YIPF4: variants seen among roughly 807,000 people sequenced by gnomAD.
YIPF4 encodes Yip1 domain family member 4.
A neutral mutation model predicts 29.4 loss-of-function variants in YIPF4; 18 were observed. The observed-to-expected ratio is 0.61, with a 90% confidence interval of 0.42 to 0.91. The LOEUF is 0.91. YIPF4 is among the 40% of genes least tolerant of loss of function. The probability of loss-of-function intolerance (pLI) is 0.00; values close to 1 mark genes in which losing one functional copy is unlikely to be tolerated. For synonymous variants in YIPF4, 115 were observed against 104.7 expected, an observed-to-expected ratio of 1.10 and a Z score of -0.60; for missense variants, 279 against 282.7, an observed-to-expected ratio of 0.99 and a Z score of 0.09.
intron 1 of YIPF4, among the ~76,000 whole-genome samples, chr2:32,278,627 TTTC>T (rs1349461478): frequency 2.6e-5 from 4 of 152,132 alleles, no homozygotes; most frequent in Admixed American, 2.6e-4. Flanking sequence ...GGAGGGCTGT[TTTC>T]TTCTGTTATG....
chr2:32,293,498 A>G (rs1036937374), intron 3 of YIPF4, among the ~76,000 whole-genome samples: 5 of 152,316 alleles, frequency 3.3e-5, no homozygotes, highest in African/African-American at 1.2e-4. Context: ...TTCTTTCCAC[A>G]CAGACACGGC....
chr2:32,298,364 T>G, intron 4 of YIPF4, 53 bp downstream of exon 4: 1 of 1,340,904 alleles, frequency 7.5e-7, no homozygotes, highest in Non-Finnish European at 1.1e-6. Context: ...AGCTTAGTTT[T>G]TGATACTGCA....
chr2:32,305,669 G>T lies in YIPF4; in HGVS notation c.*43G>T, dbSNP rs1430807350. 7.7e-6 allele frequency: 11 copies of T among 1,422,828 alleles called. No individual in the cohort carries two copies. The highest frequency in any genetic ancestry group is 1.0e-5 in the Non-Finnish European group (11 of 1,084,122). 88.1% of individuals were successfully genotyped at this position (1,422,828 alleles called of 1,614,324 possible). A position where few individuals can be genotyped will look rare whatever the true frequency, so the allele number is the denominator to read the frequency against. On this transcript the variant is annotated 3_prime_UTR_variant, in exon 6 of 6. Transcript: ENST00000238831. ...TAGAAAAAGATGGTGTTAAATTTGT[G>T]TGTAGGCTGGGAATTCTTGCTGAAG...
In YIPF4 at chr2:32,314,632, C is replaced by G. The variant is rs2031785674; in HGVS notation, c.*9006C>G. ...AGAGTGTGGTGAGCTGAGATGTCAC[C>G]ATTGCACTCCAGCCTGGGCAAGAAG... is the stretch of plus-strand genomic sequence containing the variant. On this transcript the variant is annotated 3_prime_UTR_variant, in exon 6 of 6. Transcript: ENST00000238831. 1 of 152,054 alleles carries G rather than the reference C, an allele frequency of 6.6e-6. No individual in the cohort carries two copies. Among genetic ancestry groups the G allele is most frequent in the Non-Finnish European group, 1.5e-5 (1 of 68,046 alleles). The allele number at this position is 152,054 out of a possible 1,614,324, so 9.4% of individuals were successfully genotyped here.
At chr2:32,296,305 C>T (rs748127615) in intron 3 of YIPF4, among the ~76,000 whole-genome samples, 1 of 151,998 alleles carries the variant, frequency 6.6e-6, no homozygotes, top group Non-Finnish European at 1.5e-5. Context: ...AACCCCATCT[C>T]TCCTAAAAAT....
intron 4 of YIPF4, 135 bp downstream of exon 4, chr2:32,298,446 C>A: frequency 1.6e-6 from 1 of 612,286 alleles, no homozygotes; most frequent in South Asian, 2.3e-5. Flanking sequence ...TTAAGATGAT[C>A]AACATATTAG....
Position 32,306,616 on chromosome 2 carries a change from A to T in YIPF4, c.*990A>T. On this transcript the variant is annotated 3_prime_UTR_variant, in exon 6 of 6. Transcript: ENST00000238831. ...CATGTCCTGTATTACTTGATATTTT[A>T]ACAAGTATCAGGTACTCTCTAACAA... The T allele has an allele frequency of 1.0e-6, 1 of 983,864 alleles. No individual in the cohort carries two copies. Among genetic ancestry groups the T allele is most frequent in the Non-Finnish European group, 1.2e-6 (1 of 828,500 alleles). The allele number at this position is 983,864 out of a possible 1,614,324, so 60.9% of individuals were successfully genotyped here.
At position 32,306,246 on chromosome 2, in the gene YIPF4, A is replaced by G. The variant is rs542421477; in HGVS notation, c.*620A>G. 3.2e-4 allele frequency: 302 copies of G among 943,298 alleles called. No homozygotes were observed. Among genetic ancestry groups the G allele is most frequent in the Admixed American group, 4.3e-4 (7 of 16,174 alleles). The allele number at this position is 943,298 out of a possible 1,614,324, so 58.4% of individuals were successfully genotyped here. A position where few individuals can be genotyped will look rare whatever the true frequency, so the allele number is the denominator to read the frequency against. ...ATGCTTCGATACTTCCTTGTTAAGA[A>G]TTCTTAATAACTACTAAAACTGATT... On this transcript the variant is annotated 3_prime_UTR_variant, in exon 6 of 6. Transcript: ENST00000238831.
rs35334643 is a variant in YIPF4, at chr2:32,312,487, CAAAAAAAAAAAAAAAAAA to C, written c.*6876_*6893del. ...TGGGCGACAGAGCGAGAATCCGTCT[CAAAAAAAAAAAAAAAAAA>C]AAAAAAAAAAAAAATTATTTTCAAA... On this transcript the variant is annotated 3_prime_UTR_variant, in exon 6 of 6. Coordinates refer to ENST00000238831, the MANE Select transcript of YIPF4 (RefSeq NM_032312.4). The C allele has an allele frequency of 1.1e-4, 4 of 37,374 alleles. No individual in the cohort carries two copies. Among genetic ancestry groups the C allele is most frequent in the Non-Finnish European group, 1.7e-4 (4 of 23,744 alleles). 2.3% of individuals were successfully genotyped at this position (37,374 alleles called of 1,614,324 possible).
Position 32,278,056 on chromosome 2 carries a change from C to T in YIPF4, c.-100C>T. On this transcript the variant is annotated 5_prime_UTR_variant, in exon 1 of 6. Coordinates refer to ENST00000238831, the MANE Select transcript of YIPF4 (RefSeq NM_032312.4). Reference sequence around the variant, plus strand: ...AGCTTGCACGTCGAGACTCGTAGGCCGCACCGTAGGGCGAGCGTGCGGGTC... The same window carrying T: ...AGCTTGCACGTCGAGACTCGTAGGCTGCACCGTAGGGCGAGCGTGCGGGTC... The T allele has an allele frequency of 4.7e-6, 5 of 1,052,670 alleles. No homozygotes were observed. In the South Asian group the frequency reaches 6.4e-5, roughly 14 times the overall value. The allele number at this position is 1,052,670 out of a possible 1,614,324, so 65.2% of individuals were successfully genotyped here.
chr2:32,294,269 A>G (rs532888137), intron 3 of YIPF4, among the ~76,000 whole-genome samples: 1 of 149,988 alleles, frequency 6.7e-6, no homozygotes, highest in Non-Finnish European at 1.5e-5. Flanking sequence ...CACTTCTCAG[A>G]CGGGGCGGCT....
chr2:32,292,244 T>G lies in YIPF4; in HGVS notation c.301T>G (p.Ser101Ala). Residue 101 changes from serine (S) to alanine (A), a missense_variant, in exon 3 of 6, where the codon TCA (serine) becomes GCA (alanine). Ser to Ala is a moderately conservative substitution (Grantham distance 99). Transcript: ENST00000238831. ...KIRCVLMPMP[S>A]LGFNRQVVRD... The stretch of plus-strand genomic sequence containing the variant: ...CCGATGTGTTTTGATGCCAATGCCA[T>G]CACTTGGTTTTAATAGACAAGTGGT... 1 of 1,604,294 alleles carries G rather than the reference T, an allele frequency of 6.2e-7. No individual in the cohort carries two copies. Among genetic ancestry groups the G allele is most frequent in the Non-Finnish European group, 8.5e-7 (1 of 1,174,664 alleles).
chr2:32,292,862 CAAAAA>C (rs1217481341), intron 3 of YIPF4, among the ~76,000 whole-genome samples: 1 of 77,892 alleles, frequency 1.3e-5, no homozygotes, highest in Non-Finnish European at 2.4e-5. Flanking sequence ...GACTCCATCT[CAAAAA>C]AAAAAAAAAA....
chr2:32,316,051 A>C lies in YIPF4; in HGVS notation c.*10425A>C, dbSNP rs1290649618. On this transcript the variant is annotated 3_prime_UTR_variant, in exon 6 of 6. Transcript: ENST00000238831. ...AAAAAAAAAAAAAAACCAAAAAAAAAAAAAAAGTATAAAGCACAGAAGCGA... is the reference window on the plus strand; with the variant it reads ...AAAAAAAAAAAAAAACCAAAAAAAACAAAAAAGTATAAAGCACAGAAGCGA... The C allele has an allele frequency of 3.6e-4, 54 of 151,620 alleles. 1 individual carries two copies. The highest frequency in any genetic ancestry group is 1.2e-3 in the African/African-American group (51 of 41,374). The allele number at this position is 151,620 out of a possible 1,614,324, so 9.4% of individuals were successfully genotyped here.
intron 1 of YIPF4, among the ~76,000 whole-genome samples, 195 bp from the exon 2 acceptor site, chr2:32,290,288 C>T (rs995616293): frequency 2.6e-5 from 4 of 152,122 alleles, no homozygotes; most frequent in African/African-American, 9.7e-5. Context: ...CTTCTTTCAT[C>T]TTTCATTTTA....
At chr2:32,298,373 C>T in intron 4 of YIPF4, 62 bp downstream of exon 4, 1 of 1,209,626 alleles carries the variant, frequency 8.3e-7, no homozygotes, top group East Asian at 2.3e-5. Flanking sequence ...TTTGATACTG[C>T]AGATATCATC....
intron 3 of YIPF4, 84 bp from the exon 4 acceptor site, chr2:32,298,150 C>G: frequency 9.2e-7 from 1 of 1,087,714 alleles, no homozygotes; most frequent in East Asian, 2.4e-5. Context: ...GCTAAACTGT[C>G]ATTTATGGCA....
At chr2:32,293,693 G>A (rs1448428384) in intron 3 of YIPF4, among the ~76,000 whole-genome samples, 14 of 151,938 alleles carry the variant, frequency 9.2e-5, no homozygotes, top group African/African-American at 1.9e-4. Context: ...CTCACCTCCC[G>A]GAAGGGGCGG....
chr2:32,287,752 A>G (rs2030738862), intron 1 of YIPF4, among the ~76,000 whole-genome samples: 1 of 152,236 alleles, frequency 6.6e-6, no homozygotes, highest in Non-Finnish European at 1.5e-5. Context: ...CTTGAAATTT[A>G]CTGATACTCT....
Sources: allele counts gnomAD v4.1 joint callset (sites outside exome capture counted in the v4.1 genomes callset), GRCh38; gene constraint gnomAD v4.1.1; transcripts MANE v1.5; gene names NCBI Gene and HGNC (gene_info 2026-07-23, HGNC 2026-07-21).